KNDC1: variants seen among roughly 807,000 people sequenced by gnomAD.
KNDC1 encodes kinase non-catalytic C-lobe domain containing 1.
KNDC1 carries 106 observed loss-of-function variants against 172.8 expected under a neutral mutation model. That is an observed-to-expected ratio of 0.61 (90% CI 0.52 to 0.72). The LOEUF is 0.72. Among genes scored for constraint, KNDC1 ranks in the 30% least tolerant of loss-of-function variants. The pLI, the probability that KNDC1 is intolerant of heterozygous loss-of-function variation, is 0.00. For missense variants in KNDC1, 2,325 were observed against 2,394.5 expected, an observed-to-expected ratio of 0.97 and a Z score of 0.61; for synonymous variants, 1,083 against 1,062.2, an observed-to-expected ratio of 1.02 and a Z score of -0.38.
intron 7 of KNDC1, 136 bp downstream of exon 7, chr10:133,188,789 C>T (rs1853997913): frequency 1.2e-5 from 7 of 588,396 alleles, no homozygotes; most frequent in South Asian, 1.9e-5. Flanking sequence ...TCACCCCTGC[C>T]GTCCCATGCG....
intron 3 of KNDC1, among the ~76,000 whole-genome samples, chr10:133,169,490 C>G (rs990674139): frequency 6.6e-6 from 1 of 152,230 alleles, no homozygotes; most frequent in African/African-American, 2.4e-5. Context: ...TTTGGGATGG[C>G]TTCCCGCACC....
At chr10:133,178,572 G>A (rs1226309518) in intron 3 of KNDC1, among the ~76,000 whole-genome samples, 1 of 152,076 alleles carries the variant, frequency 6.6e-6, no homozygotes, top group Non-Finnish European at 1.5e-5. Context: ...TGGACTGAGG[G>A]TTCCGGTCCC....
rs567906713 is a variant in KNDC1 at position 133,209,535 on chromosome 10, T to G, written c.3795-1076T>G. On this transcript the variant is annotated intron_variant, in intron 20 of 29. Coordinates refer to ENST00000304613, the MANE Select transcript of KNDC1 (RefSeq NM_152643.8). This position sits in a 1 kb window ranked among gnomAD's most constrained non-coding sequence, Gnocchi z 4.9. The stretch of plus-strand genomic sequence containing the variant: ...TGTGTGGCTTTGTGCATGTGTGTGG[T>G]GTGCGCGTCTGGTTGTCGAGTTCTG... Among the ~76,000 whole-genome samples the G allele has an allele frequency of 6.6e-6, 1 of 151,406 alleles. No individual in the cohort carries two copies. The highest frequency in any genetic ancestry group is 2.1e-4 in the South Asian group (1 of 4,796).
In KNDC1 at chr10:133,206,711, GA is replaced by G; in HGVS notation, c.3418del (p.Arg1140GlufsTer7). Reference sequence around the variant, plus strand: ...AGCTGGAACAGCAGCTCATGATGGAGAAAAGAAACTACCGCAAGACCCTGAA... The same window carrying G: ...AGCTGGAACAGCAGCTCATGATGGAGAAAGAAACTACCGCAAGACCCTGAA... ...PELEQQLMME[K>X]RNYRKTLKFY... On this transcript the variant is annotated frameshift_variant, in exon 18 of 30. Coordinates refer to ENST00000304613, the MANE Select transcript of KNDC1 (RefSeq NM_152643.8). LOFTEE classifies it high-confidence loss of function. 1.9e-6 allele frequency: 3 copies of G among 1,614,048 alleles called. No individual in the cohort carries two copies. Among genetic ancestry groups the G allele is most frequent in the Non-Finnish European group, 2.5e-6 (3 of 1,180,018 alleles).
At chr10:133,165,492 C>T (rs1478487179) in intron 1 of KNDC1, among the ~76,000 whole-genome samples, 1 of 152,130 alleles carries the variant, frequency 6.6e-6, no homozygotes, top group Non-Finnish European at 1.5e-5. Context: ...GGGACGGGGA[C>T]CGGCTGAGAC....
intron 1 of KNDC1, among the ~76,000 whole-genome samples, chr10:133,165,998 C>A (rs1015110740): frequency 1.3e-5 from 2 of 152,236 alleles, no homozygotes; most frequent in Non-Finnish European, 2.9e-5. Context: ...CAGAGCCAGC[C>A]CCATGGCCAG....
chr10:133,192,857 G>A (rs942579232), intron 9 of KNDC1, among the ~76,000 whole-genome samples: 1 of 152,120 alleles, frequency 6.6e-6, no homozygotes, highest in Non-Finnish European at 1.5e-5. Context: ...GAGAAGAGAA[G>A]GAGGGTGGTG....
chr10:133,207,583 G>A lies in KNDC1; in HGVS notation c.3794+232G>A, dbSNP rs546271986. On this transcript the variant is annotated intron_variant, in intron 20 of 29. Transcript: ENST00000304613. ...GCCTGGGCACCAGGTCTCAGGGTGC[G>A]CCTGGTGGTCCCCGGAGGTGCTGCG... Among the ~76,000 whole-genome samples, 7 of 152,362 alleles carry A rather than the reference G, an allele frequency of 4.6e-5. No homozygotes were observed. In the East Asian group the frequency reaches 9.6e-4, roughly 21 times the overall value.
At position 133,224,975 on chromosome 10, in the gene KNDC1, G is replaced by C. The variant is rs889628225; in HGVS notation, c.*85G>C. 10 of 1,137,200 alleles carry C rather than the reference G, an allele frequency of 8.8e-6. No individual in the cohort carries two copies. The African/African-American group carries it at 9.3e-5, about 11-fold the overall frequency. The allele number at this position is 1,137,200 out of a possible 1,614,324, so 70.4% of individuals were successfully genotyped here. A position where few individuals can be genotyped will look rare whatever the true frequency, so the allele number is the denominator to read the frequency against. ...GAGGTGGGAGCCGCGTCTCAGGCCC[G>C]GCCGTTATCAAGGCCCCTCCGCCCC... is the stretch of plus-strand genomic sequence containing the variant. On this transcript the variant is annotated 3_prime_UTR_variant, in exon 30 of 30. Transcript: ENST00000304613. The surrounding 1 kb of genome is among the most constrained non-coding windows in gnomAD (Gnocchi z 5.4).
intron 3 of KNDC1, among the ~76,000 whole-genome samples, chr10:133,179,861 C>T (rs576012748): frequency 1.3e-5 from 2 of 152,208 alleles, no homozygotes; most frequent in African/African-American, 2.4e-5. Flanking sequence ...CCTGATCGGC[C>T]TCCCTCCAGC....
At position 133,160,361 on chromosome 10, in the gene KNDC1, G is replaced by A. The variant is rs1852919098; in HGVS notation, c.-107G>A. ...ACACTGCGGCAGCGGCGGGCGGGCG[G>A]GGGCGGGCGAGGGCCGGGCGCGTCT... On this transcript the variant is annotated 5_prime_UTR_variant, in exon 1 of 30. Coordinates refer to ENST00000304613, the MANE Select transcript of KNDC1 (RefSeq NM_152643.8). The A allele has an allele frequency of 7.0e-6, 3 of 427,328 alleles. No individual in the cohort carries two copies. The highest frequency in any genetic ancestry group is 1.0e-5 in the Non-Finnish European group (3 of 286,890). 26.5% of individuals were successfully genotyped at this position (427,328 alleles called of 1,614,324 possible).
chr10:133,162,795 G>A (rs945563036), intron 1 of KNDC1, among the ~76,000 whole-genome samples: 7 of 152,248 alleles, frequency 4.6e-5, no homozygotes, highest in Non-Finnish European at 4.4e-5. Flanking sequence ...CCCAGCATTC[G>A]CTGGTGAAGT....
At chr10:133,222,536 CGTGT>C (rs577540424) in intron 29 of KNDC1, among the ~76,000 whole-genome samples, 3 of 20,100 alleles carry the variant, frequency 1.5e-4, no homozygotes, top group South Asian at 1.6e-3. Context: ...CTCTTCCCGG[CGTGT>C]GTGTGTGTGA....
chr10:133,213,017 G>A, intron 24 of KNDC1, 95 bp downstream of exon 24: 1 of 1,132,220 alleles, frequency 8.8e-7, no homozygotes, highest in East Asian at 2.6e-5. Flanking sequence ...GCTTCCAGAG[G>A]AACAGACGGG....
intron 21 of KNDC1, 26 bp from the exon 22 acceptor site, chr10:133,211,396 G>A: frequency 6.2e-7 from 1 of 1,604,684 alleles, no homozygotes; most frequent in Non-Finnish European, 8.5e-7. Context: ...CATCCTGGCA[G>A]CTCAGCAGCT....
intron 3 of KNDC1, among the ~76,000 whole-genome samples, chr10:133,173,233 G>T (rs946530573): frequency 6.6e-6 from 1 of 152,160 alleles, no homozygotes; most frequent in African/African-American, 2.4e-5. Flanking sequence ...CCTCCTCTGT[G>T]TCCCGTCTGC....
In KNDC1 at chr10:133,207,256, C is replaced by T. The variant is rs374039717; in HGVS notation, c.3699C>T (p.Ile1233=). The change falls in exon 20 of 30, where the codon ATC becomes ATT. Residue 1233 remains isoleucine (I), a synonymous_variant. Transcript: ENST00000304613. The part of the protein sequence containing the change: ...FSPLDESSSL[I]FYNVNKHPGG... ...CCCTGGACGAGTCCTCCTCGCTCAT[C>T]TTCTACAACGTCAACAAGCACCCGG... 30 of 1,613,180 alleles carry T rather than the reference C, an allele frequency of 1.9e-5. No homozygotes were observed. In the African/African-American group the frequency reaches 3.9e-4, roughly 21 times the overall value.
intron 7 of KNDC1, among the ~76,000 whole-genome samples, chr10:133,188,943 C>G: frequency 6.6e-6 from 1 of 152,012 alleles, no homozygotes; most frequent in Admixed American, 6.5e-5. Flanking sequence ...CAGATGCCTG[C>G]AAGGTGGGCC....
chr10:133,201,416 G>A, intron 16 of KNDC1, 85 bp from the exon 17 acceptor site: 1 of 1,409,940 alleles, frequency 7.1e-7, no homozygotes, highest in Admixed American at 2.2e-5. Context: ...GGGTGTGCAA[G>A]CACCACCGGC....
Sources: allele counts gnomAD v4.1 joint callset (sites outside exome capture counted in the v4.1 genomes callset), GRCh38; gene constraint gnomAD v4.1.1; non-coding constraint Gnocchi (gnomAD v3.1); transcripts MANE v1.5; gene names NCBI Gene and HGNC (gene_info 2026-07-23, HGNC 2026-07-21).